SOX5: variants seen among roughly 807,000 people sequenced by gnomAD.
The protein encoded by SOX5 is transcription factor SOX-5.
In SOX5, 9 loss-of-function variants were observed where a neutral mutation model predicts 92.0. The observed-to-expected ratio is 0.10, with a 90% CI of 0.06 to 0.17. SOX5 has a LOEUF of 0.17. Ranked by LOEUF, SOX5 falls within the 10% of genes least tolerant of loss-of-function variation. The probability of loss-of-function intolerance (pLI) is 1.00; values close to 1 mark genes in which losing one functional copy is unlikely to be tolerated. For synonymous variants in SOX5, 344 were observed against 336.3 expected (o/e 1.02, Z -0.25); for missense variants, 642 against 944.5 (o/e 0.68, Z 4.20).
intron 9 of SOX5, chr12:23,584,457 G>A: frequency 2.0e-6 from 2 of 995,664 alleles, no homozygotes; most frequent in Non-Finnish European, 3.2e-6. Flanking sequence ...GGCAGAGTGG[G>A]AGAAATCATA....
At chr12:24,526,703 C>A (rs1006333628) in intron 1 of SOX5, among the ~76,000 whole-genome samples, 1 of 152,218 alleles carries the variant, frequency 6.6e-6, no homozygotes, top group African/African-American at 2.4e-5. Flanking sequence ...CTTGAGAATG[C>A]CATTGTCATC....
intron 1 of SOX5, among the ~76,000 whole-genome samples, chr12:24,446,900 A>G (rs1158187266): frequency 6.6e-6 from 1 of 152,226 alleles, no homozygotes; most frequent in Non-Finnish European, 1.5e-5. Flanking sequence ...TGGGACGCAG[A>G]AGCCAACCTG....
chr12:24,241,577 T>C (rs1474936954), intron 3 of SOX5, among the ~76,000 whole-genome samples: 3 of 150,978 alleles, frequency 2.0e-5, no homozygotes, highest in Non-Finnish European at 3.0e-5. Flanking sequence ...CAAGGTATGC[T>C]CTGCAAATCA....
At chr12:24,325,873 T>A (rs1950627931) in intron 2 of SOX5, among the ~76,000 whole-genome samples, 1 of 152,202 alleles carries the variant, frequency 6.6e-6, no homozygotes, top group South Asian at 2.1e-4. Flanking sequence ...GATAATACTA[T>A]CCATACTAGG....
At chr12:23,614,179 C>T (rs2076285064) in intron 8 of SOX5, among the ~76,000 whole-genome samples, 1 of 152,142 alleles carries the variant, frequency 6.6e-6, no homozygotes, top group Non-Finnish European at 1.5e-5. Context: ...CAAGGAAGTG[C>T]AGGATGAAGT....
At position 23,826,540 on chromosome 12, in the gene SOX5, A is replaced by G. The variant is rs1435720709; in HGVS notation, c.481+19443T>C. ...TTCTCTCCCTGAAAGCTGGAGAGCT[A>G]TACTATATAAGGACTGACAACTGAC... is the stretch of plus-strand genomic sequence containing the variant. On this transcript the variant is annotated intron_variant, in intron 3 of 14. Transcript: ENST00000451604. 6.6e-5 allele frequency among the ~76,000 whole-genome samples: 10 copies of G among 152,230 alleles called. No homozygotes were observed. In the South Asian group the frequency reaches 2.1e-3, roughly 32 times the overall value.
chr12:24,415,099 C>A (rs898290083), intron 1 of SOX5, among the ~76,000 whole-genome samples: 1 of 152,110 alleles, frequency 6.6e-6, no homozygotes, highest in Non-Finnish European at 1.5e-5. Context: ...TGTAAATCCC[C>A]CCCTGCTAAT....
At chr12:24,026,683 T>C (rs1592460587) in intron 4 of SOX5, among the ~76,000 whole-genome samples, 1 of 147,070 alleles carries the variant, frequency 6.8e-6, no homozygotes, top group Non-Finnish European at 1.5e-5. Flanking sequence ...AAAAAAGGAA[T>C]GTTAAATTGT....
intron 2 of SOX5, among the ~76,000 whole-genome samples, chr12:24,306,090 C>G (rs1284734486): frequency 6.6e-6 from 1 of 152,162 alleles, no homozygotes; most frequent in Non-Finnish European, 1.5e-5. Flanking sequence ...GTGTATCACT[C>G]TCTGCTTAAG....
chr12:24,400,355 G>A (rs1000158781), intron 1 of SOX5, among the ~76,000 whole-genome samples: 2 of 151,004 alleles, frequency 1.3e-5, no homozygotes, highest in Non-Finnish European at 2.9e-5. Context: ...CTTGCCACAA[G>A]AAGCATTAGC....
At chr12:24,361,922 G>A (rs76957811) in intron 2 of SOX5, among the ~76,000 whole-genome samples, 16 of 152,294 alleles carry the variant, frequency 1.1e-4, no homozygotes, top group African/African-American at 3.8e-4. Flanking sequence ...CCAGAGCTAC[G>A]CTGATGACAC....
intron 1 of SOX5, among the ~76,000 whole-genome samples, chr12:24,552,284 C>G (rs892373784): frequency 1.3e-5 from 2 of 152,226 alleles, no homozygotes; most frequent in African/African-American, 4.8e-5. Flanking sequence ...ATTCTGTGAG[C>G]ATCTTACTTA....
At chr12:24,218,391 G>A (rs963810925) in intron 3 of SOX5, among the ~76,000 whole-genome samples, 1 of 152,122 alleles carries the variant, frequency 6.6e-6, no homozygotes, top group Non-Finnish European at 1.5e-5. Flanking sequence ...ACCATATATT[G>A]TATAATTCTA....
At chr12:24,085,716 A>G (rs531144848) in intron 4 of SOX5, among the ~76,000 whole-genome samples, 1 of 152,198 alleles carries the variant, frequency 6.6e-6, no homozygotes, top group African/African-American at 2.4e-5. Context: ...TTATAACAAA[A>G]TGAAATTTGT....
At chr12:24,409,785 A>G (rs1366791846) in intron 1 of SOX5, among the ~76,000 whole-genome samples, 1 of 152,164 alleles carries the variant, frequency 6.6e-6, no homozygotes, top group Non-Finnish European at 1.5e-5. Context: ...CTTAGCTGCT[A>G]TCTGTATATC....
At chr12:23,635,817 A>C (rs78040576) in intron 8 of SOX5, among the ~76,000 whole-genome samples, 3,523 of 152,244 alleles carry the variant, frequency 0.023, 121 homozygotes, top group African/African-American at 0.078. Context: ...GCTCGACCCA[A>C]ATGAGTGACA....
At chr12:23,785,910 A>T (rs1295668607) in intron 3 of SOX5, among the ~76,000 whole-genome samples, 5 of 152,094 alleles carry the variant, frequency 3.3e-5, no homozygotes, top group East Asian at 1.9e-4. Context: ...TAAATTAAAA[A>T]TTTTTTTCCT....
chr12:24,059,081 A>T (rs1939160032), intron 4 of SOX5, among the ~76,000 whole-genome samples: 1 of 152,188 alleles, frequency 6.6e-6, no homozygotes, highest in Non-Finnish European at 1.5e-5. Context: ...CTTGCTAGAG[A>T]AATACTCTCT....
intron 3 of SOX5, among the ~76,000 whole-genome samples, chr12:23,772,996 G>A (rs1266089632): frequency 6.6e-6 from 1 of 152,088 alleles, no homozygotes; most frequent in Non-Finnish European, 1.5e-5. Flanking sequence ...TTCATTTACT[G>A]AGCATCTACT....
Sources: gnomAD v4.1 joint callset for allele counts (sites outside exome capture counted in the v4.1 genomes callset) on GRCh38, gnomAD v4.1.1 for gene constraint, MANE v1.5 for transcripts, NCBI Gene and HGNC (gene_info 2026-07-23, HGNC 2026-07-21) for gene names.